The following GSE1 variants were observed in gnomAD, a reference collection of about 807,000 sequenced individuals.
GSE1 encodes Gse1 coiled-coil protein.
In GSE1, 32 loss-of-function variants were observed where a neutral mutation model predicts 112.6. That is an observed-to-expected ratio of 0.28 (90% CI 0.21 to 0.38). The LOEUF is 0.38. GSE1 is among the 10% of genes least tolerant of loss of function. The probability of loss-of-function intolerance (pLI) is 1.00; values close to 1 mark genes in which losing one functional copy is unlikely to be tolerated. For missense variants in GSE1, 2,348 were observed against 1,699.2 expected (o/e 1.38, Z -6.71); for synonymous variants, 1,115 against 735.6 (o/e 1.52, Z -8.35).
intron 2 of GSE1, among the ~76,000 whole-genome samples, chr16:85,466,349 C>A (rs533814411): frequency 4.1e-4 from 63 of 152,294 alleles, no homozygotes; most frequent in African/African-American, 1.4e-3. Flanking sequence ...GCCCCCAGGA[C>A]CCCCTGGGGA....
intron 1 of GSE1, among the ~76,000 whole-genome samples, chr16:85,306,874 A>G (rs2151472687): frequency 6.6e-6 from 1 of 152,246 alleles, no homozygotes; most frequent in South Asian, 2.1e-4. Context: ...AACGGTTTGA[A>G]CCTGTTCATA....
At chr16:85,611,050 G>A (rs917609433), upstream of GSE1, among the ~76,000 whole-genome samples, 5 of 152,372 alleles carry the variant, frequency 3.3e-5, no homozygotes, top group Admixed American at 1.3e-4. Flanking sequence ...CAAGGAAGAA[G>A]GGAGTAGGTG....
intron 2 of GSE1, among the ~76,000 whole-genome samples, chr16:85,420,086 A>T (rs896540949): frequency 4.8e-5 from 7 of 147,288 alleles, no homozygotes; most frequent in African/African-American, 1.7e-4. Context: ...CCTGGCAGAC[A>T]CTGAGCAGTG....
At chr16:85,664,883 C>T in intron 11 of GSE1, 132 bp from the exon 12 acceptor site, 1 of 642,326 alleles carries the variant, frequency 1.6e-6, no homozygotes, top group East Asian at 2.7e-5. Flanking sequence ...GGGCCTGCCC[C>T]ATCACACCTG....
chr16:85,199,562 C>T (rs763995852), intron 1 of GSE1, among the ~76,000 whole-genome samples: 2 of 152,200 alleles, frequency 1.3e-5, no homozygotes, highest in Non-Finnish European at 2.9e-5. Flanking sequence ...CGAAAAGAGA[C>T]ACGTTTCTTC....
At chr16:85,443,704 C>T (rs1395276798) in intron 2 of GSE1, among the ~76,000 whole-genome samples, 1 of 152,252 alleles carries the variant, frequency 6.6e-6, no homozygotes, top group Non-Finnish European at 1.5e-5. Context: ...CCTGCCTTCC[C>T]TGCTGGAGAG....
chr16:85,186,973 CAG>C (rs1209908048), intron 1 of GSE1, among the ~76,000 whole-genome samples: 2 of 152,218 alleles, frequency 1.3e-5, no homozygotes, highest in Non-Finnish European at 1.5e-5. Flanking sequence ...ACCAGCCCCT[CAG>C]GGTGATTTGG....
chr16:85,482,258 T>C (rs1000431298), intron 2 of GSE1, among the ~76,000 whole-genome samples: 1 of 152,214 alleles, frequency 6.6e-6, no homozygotes, highest in Non-Finnish European at 1.5e-5. Context: ...ATGCTGGGAC[T>C]CACTGGCACT....
intron 1 of GSE1, among the ~76,000 whole-genome samples, chr16:85,180,864 A>T (rs1235210415): frequency 6.6e-6 from 1 of 152,172 alleles, no homozygotes; most frequent in Non-Finnish European, 1.5e-5. Flanking sequence ...GAATGTAGAA[A>T]AGCTTCCTCT....
chr16:85,670,277 C>T (rs938674020), intron 14 of GSE1, among the ~76,000 whole-genome samples: 3 of 152,156 alleles, frequency 2.0e-5, no homozygotes, highest in African/African-American at 4.8e-5. Context: ...CTTGTCACTC[C>T]AGTGCTGCCA....
At position 85,654,426 on chromosome 16, in the gene GSE1, A is replaced by G. The variant is rs1277767607; in HGVS notation, c.575A>G (p.Gln192Arg). The change falls in exon 4 of 16, where the codon CAG (glutamine) becomes CGG (arginine). Residue 192 changes from glutamine to arginine, a missense_variant. Physicochemically the swap from Gln to Arg is conservative, Grantham distance 43. Coordinates refer to ENST00000253458, the MANE Select transcript of GSE1 (RefSeq NM_014615.5). ...GGCCTCTCCCCCAGCTCAGTTGTGC[A>G]GGATTCCCGCTTCCCGCCACTCAAG... The part of the protein sequence containing the change: ...PFGLSPSSVV[Q>R]DSRFPPLNLQ... 1.9e-6 allele frequency: 3 copies of G among 1,574,148 alleles called. No individual in the cohort carries two copies. The highest frequency in any genetic ancestry group is 2.6e-6 in the Non-Finnish European group (3 of 1,158,880).
At chr16:85,451,939 C>T (rs1262031817) in intron 2 of GSE1, among the ~76,000 whole-genome samples, 1 of 152,182 alleles carries the variant, frequency 6.6e-6, no homozygotes, top group Non-Finnish European at 1.5e-5. Context: ...TGAGAGGCCA[C>T]CCAAGAGGCC....
intron 1 of GSE1, chr16:85,285,929 C>G (rs1163942793): frequency 1.3e-5 from 2 of 152,280 alleles, no homozygotes; most frequent in South Asian, 2.1e-4. Flanking sequence ...CCCTGGCAGA[C>G]AAGCCAAAGC....
intron 1 of GSE1, among the ~76,000 whole-genome samples, chr16:85,328,807 GGGCC>G (rs2046279311): frequency 3.5e-4 from 1 of 2,884 alleles, no homozygotes; most frequent in East Asian, 0.083. Flanking sequence ...CCCCGCCCCG[GGGCC>G]TCCCCGCCCC....
intron 2 of GSE1, among the ~76,000 whole-genome samples, chr16:85,640,490 C>G (rs1323041799): frequency 1.3e-5 from 2 of 152,244 alleles, no homozygotes; most frequent in Non-Finnish European, 2.9e-5. Context: ...GGCTGCCTGC[C>G]TCGTCTTGTC....
chr16:85,442,154 C>G (rs2049390672), intron 2 of GSE1, among the ~76,000 whole-genome samples: 1 of 152,206 alleles, frequency 6.6e-6, no homozygotes. Flanking sequence ...AGAACTTAGT[C>G]CTGCCGTCGT....
rs917708334 is a variant in GSE1 at position 85,675,169 on chromosome 16, T to G, written c.*2630T>G. The G allele has an allele frequency of 2.6e-5, 4 of 152,190 alleles. No homozygotes were observed. The highest frequency in any genetic ancestry group is 9.7e-5 in the African/African-American group (4 of 41,440). 9.4% of individuals were successfully genotyped at this position (152,190 alleles called of 1,614,324 possible). On this transcript the variant is annotated 3_prime_UTR_variant, in exon 16 of 16. Coordinates refer to ENST00000253458, the MANE Select transcript of GSE1 (RefSeq NM_014615.5). ...ACATGCAATCTCTTAAGTTTTTTGT[T>G]CAGCTACTTCACACTGAGTACCTCA...
intron 2 of GSE1, among the ~76,000 whole-genome samples, chr16:85,646,398 G>T (rs1222096010): frequency 6.6e-6 from 1 of 152,266 alleles, no homozygotes; most frequent in Non-Finnish European, 1.5e-5. Context: ...CACAGCTGCT[G>T]TGACACGGGG....
chr16:85,420,015 C>T (rs758272233), intron 2 of GSE1, among the ~76,000 whole-genome samples: 6 of 152,170 alleles, frequency 3.9e-5, no homozygotes, highest in South Asian at 2.1e-4. Flanking sequence ...GACATCGGGG[C>T]CAGGGATGCT....
Sources: gnomAD v4.1 joint callset for allele counts (sites outside exome capture counted in the v4.1 genomes callset) on GRCh38, gnomAD v4.1.1 for gene constraint, MANE v1.5 for transcripts, NCBI Gene and HGNC (gene_info 2026-07-23, HGNC 2026-07-21) for gene names.